The following DNAJC11 variants were observed in gnomAD, a reference collection of about 807,000 sequenced individuals.
DNAJC11 encodes the protein dnaJ homolog subfamily C member 11.
In DNAJC11, 15 loss-of-function variants were observed where a neutral mutation model predicts 78.6. The ratio of observed to expected loss-of-function variants is 0.19; its 90% CI spans 0.13 to 0.29. The LOEUF (loss-of-function observed/expected upper bound fraction) is 0.29. Among genes scored for constraint, DNAJC11 ranks in the 10% least tolerant of loss-of-function variants. DNAJC11 has a pLI of 1.00. For synonymous variants in DNAJC11, 292 were observed against 272.1 expected, an observed-to-expected ratio of 1.07 and a Z score of -0.72; for missense variants, 547 against 709.6, an observed-to-expected ratio of 0.77 and a Z score of 2.60.
chr1:6,667,789 G>A lies in DNAJC11; in HGVS notation c.298C>T (p.Pro100Ser). 3 of 1,613,988 alleles carry A rather than the reference G, an allele frequency of 1.9e-6. No individual in the cohort carries two copies. Among genetic ancestry groups the A allele is most frequent in the African/African-American group, 1.3e-5 (1 of 75,032 alleles). ...TCAAACTCCTCTCGAATTTCAGCAG[G>A]GGTTCTCCTCCTTTCCACAACCTAT... ...GWEVVERRRT[P>S]AEIREEFERL... Residue 100 changes from proline (P) to serine (S), a missense_variant, in exon 4 of 16, where the codon CCT (proline) becomes TCT (serine). Physicochemically the swap from Pro to Ser is moderately conservative, Grantham distance 74 (BLOSUM62 -1). Transcript: ENST00000377577.
intron 1 of DNAJC11, among the ~76,000 whole-genome samples, chr1:6,690,201 A>C (rs1308374344): frequency 6.6e-6 from 1 of 151,604 alleles, no homozygotes; most frequent in Non-Finnish European, 1.5e-5. Context: ...AGGCGTTTAC[A>C]ATATATATAT....
In DNAJC11 at chr1:6,634,236, G is replaced by A. The variant is rs964693226; in HGVS notation, c.*1439C>T. 3.5e-5 allele frequency: 32 copies of A among 901,494 alleles called. 1 individual carries two copies. Among genetic ancestry groups the A allele is most frequent in the Non-Finnish European group, 5.0e-5 (30 of 598,692 alleles). 55.8% of individuals were successfully genotyped at this position (901,494 alleles called of 1,614,324 possible). On this transcript the variant is annotated 3_prime_UTR_variant, in exon 16 of 16. Transcript: ENST00000377577. ...AGTCGACTGCAAATGAAACGCAGAG[G>A]ATGGGTGCCCAGAAGCACCTGCGGC...
intron 1 of DNAJC11, among the ~76,000 whole-genome samples, chr1:6,701,502 G>A (rs1642927962): frequency 6.6e-6 from 1 of 152,124 alleles, no homozygotes; most frequent in Non-Finnish European, 1.5e-5. Flanking sequence ...GCGGCGCACT[G>A]GCCTTCAGGA....
intron 10 of DNAJC11, among the ~76,000 whole-genome samples, chr1:6,643,466 G>A (rs1023548190): frequency 1.4e-4 from 22 of 151,996 alleles, no homozygotes; most frequent in African/African-American, 2.4e-4. Context: ...TAGTAGAGAC[G>A]GGGTTTCACC....
intron 7 of DNAJC11, among the ~76,000 whole-genome samples, chr1:6,646,250 C>A (rs1641964014): frequency 6.6e-6 from 1 of 152,156 alleles, no homozygotes; most frequent in Non-Finnish European, 1.5e-5. Context: ...CATTCCTATG[C>A]CAGCAGATGC....
Position 6,636,106 on chromosome 1 carries a change from C to A in DNAJC11, c.1654+11G>T. 1 of 1,612,416 alleles carries A rather than the reference C, an allele frequency of 6.2e-7. No homozygotes were observed. Among genetic ancestry groups the A allele is most frequent in the Non-Finnish European group, 8.5e-7 (1 of 1,179,146 alleles). ...CCGTTAGCTGGTGACTGCGAAGGGA[C>A]GGCTACTCACACTGCTTTGGTATCC... On this transcript the variant is annotated intron_variant, in intron 15 of 15. Coordinates refer to ENST00000377577, the MANE Select transcript of DNAJC11 (RefSeq NM_018198.4).
At chr1:6,657,913 G>A (rs1295676514) in intron 4 of DNAJC11, among the ~76,000 whole-genome samples, 1 of 152,214 alleles carries the variant, frequency 6.6e-6, no homozygotes, top group Non-Finnish European at 1.5e-5. Context: ...CCAAAGTGCT[G>A]GGATTACAGG....
chr1:6,637,314 C>T lies in DNAJC11; in HGVS notation c.1408G>A (p.Gly470Arg), dbSNP rs1415966840. The change falls in exon 14 of 16, where the codon GGG becomes AGG. Residue 470 changes from glycine (G) to arginine (R), a missense_variant. Transcript: ENST00000377577. The part of the protein sequence containing the change: ...MGLIIVNAWY[G>R]KFVNDKSRKS... ...CTGCTCTTGTCATTGACAAACTTCCCGTACCAGGCATTGACGATGATGAGG... is the reference window on the plus strand; with the variant it reads ...CTGCTCTTGTCATTGACAAACTTCCTGTACCAGGCATTGACGATGATGAGG... 1.9e-6 allele frequency: 3 copies of T among 1,614,080 alleles called. No homozygotes were observed. The highest frequency in any genetic ancestry group is 1.7e-5 in the Admixed American group (1 of 60,006).
intron 11 of DNAJC11, 36 bp from the exon 12 acceptor site, chr1:6,638,400 G>A (rs367644840): frequency 2.0e-5 from 32 of 1,596,204 alleles, no homozygotes; most frequent in African/African-American, 1.1e-4. Flanking sequence ...ACGTTAGCGC[G>A]GCGCTGCCCA....
chr1:6,701,747 C>A lies in DNAJC11; in HGVS notation c.54G>T (p.Leu18Phe). 6.4e-7 allele frequency: 1 copy of A among 1,564,812 alleles called. No individual in the cohort carries two copies. Among genetic ancestry groups the A allele is most frequent in the East Asian group, 2.5e-5 (1 of 39,362 alleles). Residue 18 changes from leucine to phenylalanine, a missense_variant, in exon 1 of 16, where the codon TTG becomes TTT. Leu to Phe is a conservative substitution (Grantham distance 22). Coordinates refer to ENST00000377577, the MANE Select transcript of DNAJC11 (RefSeq NM_018198.4). ...GCCTCACCTCCCTGCGCACGTTCAG[C>A]AACGAGTAATAGTCTTCATTGTCCA... ...EELDNEDYYS[L>F]LNVRREASSE...
chr1:6,671,778 T>G (rs1460551353), intron 3 of DNAJC11, among the ~76,000 whole-genome samples: 7 of 152,068 alleles, frequency 4.6e-5, no homozygotes, highest in Non-Finnish European at 7.4e-5. Context: ...GTGATCTGCC[T>G]GTCTTGGCCT....
In DNAJC11 at chr1:6,641,861, A is replaced by G. The variant is rs1641882960; in HGVS notation, c.1098-1804T>C. Among the ~76,000 whole-genome samples, 5 of 152,320 alleles carry G rather than the reference A, an allele frequency of 3.3e-5. No individual in the cohort carries two copies. In the South Asian group the frequency reaches 1.0e-3, roughly 32 times the overall value. On this transcript the variant is annotated intron_variant, in intron 10 of 15. Transcript: ENST00000377577. ...GTGAGAATAAAATGGACCAAGTCCA[A>G]GAGCTTATGTCTGATGAGGAGTGCA...
intron 4 of DNAJC11, among the ~76,000 whole-genome samples, chr1:6,659,339 T>A (rs1195297854): frequency 6.6e-6 from 1 of 152,212 alleles, no homozygotes; most frequent in East Asian, 1.9e-4. Context: ...CCTCTCCATT[T>A]TGGCCTCTGC....
At chr1:6,696,471 G>A (rs1642837760) in intron 1 of DNAJC11, among the ~76,000 whole-genome samples, 1 of 152,158 alleles carries the variant, frequency 6.6e-6, no homozygotes, top group African/African-American at 2.4e-5. Flanking sequence ...TCTTGCCAGT[G>A]ACCAGGGGAC....
rs1461702281 is a variant in DNAJC11 at position 6,634,508 on chromosome 1, CCCCCCGCG to C, written c.*1159_*1166del. 7.4e-7 allele frequency: 1 copy of C among 1,348,984 alleles called. No individual in the cohort carries two copies. Among genetic ancestry groups the C allele is most frequent in the Non-Finnish European group, 9.9e-7 (1 of 1,013,652 alleles). 83.6% of individuals were successfully genotyped at this position (1,348,984 alleles called of 1,614,324 possible). A position where few individuals can be genotyped will look rare whatever the true frequency, so the allele number is the denominator to read the frequency against. On this transcript the variant is annotated 3_prime_UTR_variant, in exon 16 of 16. Coordinates refer to ENST00000377577, the MANE Select transcript of DNAJC11 (RefSeq NM_018198.4). ...GGCTGGAGGCCGGCGCAGCTTGGGG[CCCCCCGCG>C]CCAGCTGTCTCAGCCACCACCTGTG...
Position 6,701,460 on chromosome 1 carries a change from G to A in DNAJC11, c.72+269C>T, listed in dbSNP as rs1220865413. On this transcript the variant is annotated intron_variant, in intron 1 of 15. Coordinates refer to ENST00000377577, the MANE Select transcript of DNAJC11 (RefSeq NM_018198.4). ...GCCCCCGTTTCCTCTTGAGCGTGCG[G>A]GGGCCTCTGGCCCTACCCGGACACA... Among the ~76,000 whole-genome samples the A allele has an allele frequency of 2.6e-5, 4 of 152,338 alleles. No individual in the cohort carries two copies. In the South Asian group the frequency reaches 6.2e-4, roughly 24 times the overall value.
Position 6,654,058 on chromosome 1 carries a change from C to A in DNAJC11, c.379-19G>T, listed in dbSNP as rs774894835. ...TCGTTCCCTGGGGCAGAAAAACAAGCCGTCAGCAGAACGGGTGGTATTTGT... is the reference window on the plus strand; with the variant it reads ...TCGTTCCCTGGGGCAGAAAAACAAGACGTCAGCAGAACGGGTGGTATTTGT... On this transcript the variant is annotated intron_variant, in intron 4 of 15. Transcript: ENST00000377577. The A allele has an allele frequency of 5.0e-6, 8 of 1,610,152 alleles. No homozygotes were observed. The East Asian group carries it at 1.6e-4, about 31-fold the overall frequency.
chr1:6,665,673 C>T (rs1044731306), intron 4 of DNAJC11, among the ~76,000 whole-genome samples: 3 of 152,156 alleles, frequency 2.0e-5, no homozygotes, highest in Admixed American at 1.3e-4. Context: ...CCTGCAGACA[C>T]ATTTGCATAG....
At chr1:6,652,751 G>C in intron 6 of DNAJC11, 78 bp downstream of exon 6, 1 of 1,588,220 alleles carries the variant, frequency 6.3e-7, no homozygotes, top group South Asian at 1.1e-5. Flanking sequence ...GTGAGTTTGA[G>C]GGTGAGCTTT....
Sources: gnomAD v4.1 joint callset for allele counts (sites outside exome capture counted in the v4.1 genomes callset) on GRCh38, gnomAD v4.1.1 for gene constraint, MANE v1.5 for transcripts, NCBI Gene and HGNC (gene_info 2026-07-23, HGNC 2026-07-21) for gene names.